The following SASH3 variants were observed in gnomAD, a reference collection of about 807,000 sequenced individuals.
SASH3 encodes SAM and SH3 domain containing 3.
Under a neutral mutation model 26.1 loss-of-function variants are expected in SASH3, and 7 were observed. That is an observed-to-expected ratio of 0.27 (90% confidence interval 0.15 to 0.50). SASH3 has a LOEUF of 0.50. SASH3 is among the 20% of genes least tolerant of loss of function. The probability of loss-of-function intolerance (pLI) is 0.98; values close to 1 mark genes in which losing one functional copy is unlikely to be tolerated. For missense variants in SASH3, 231 were observed against 318.3 expected (o/e 0.73, Z 2.09); for synonymous variants, 138 against 136.8 (o/e 1.01, Z -0.06).
In SASH3 at chrX:129,788,376, C is replaced by T. The variant is rs994308779; in HGVS notation, c.154-55C>T. The T allele has an allele frequency of 3.4e-6, 4 of 1,189,242 alleles. No homozygotes were observed. The African/African-American group carries it at 7.0e-5, about 21-fold the overall frequency. ...CCCCAAGGCCTCTTTTGCCTCAAGT[C>T]CCGGACCTAGGCAGGACCACCAGGG... On this transcript the variant is annotated intron_variant, in intron 2 of 7. Coordinates refer to ENST00000356892, the MANE Select transcript of SASH3 (RefSeq NM_018990.4).
intron 2 of SASH3, 63 bp downstream of exon 2, chrX:129,788,133 G>GGC: frequency 6.4e-6 from 2 of 312,630 alleles, no homozygotes; most frequent in East Asian, 7.8e-5. Context: ...GTGGGGGTGG[G>GGC]AGGGAAGAGG....
chrX:129,789,135 AAG>A (rs1168089004), intron 3 of SASH3, among the ~76,000 whole-genome samples: 1 of 65,563 alleles, frequency 1.5e-5, no homozygotes, highest in Non-Finnish European at 2.4e-5. Context: ...GAAAGAAAGA[AAG>A]AAAGAAAGAA....
chrX:129,792,739 A>G lies in SASH3; in HGVS notation c.704A>G (p.Glu235Gly). 2 of 1,210,522 alleles carry G rather than the reference A, an allele frequency of 1.7e-6. No homozygotes were observed. The highest frequency in any genetic ancestry group is 3.0e-5 in the East Asian group (1 of 33,833). ...KFIYVDVLPE[E>G]AVGHARPSRR... The stretch of plus-strand genomic sequence containing the variant: ...ATCTATGTGGATGTGCTGCCCGAGG[A>G]GGCCGTGGGGCATGCCCGCCCCAGC... The change falls in exon 6 of 8, where the codon GAG becomes GGG. Residue 235 changes from glutamate to glycine, a missense_variant. Glu to Gly is a moderately conservative substitution (Grantham distance 98). Coordinates refer to ENST00000356892, the MANE Select transcript of SASH3 (RefSeq NM_018990.4).
At chrX:129,788,133 G>GGGGGGCC in intron 2 of SASH3, 63 bp downstream of exon 2, 1 of 312,637 alleles carries the variant, frequency 3.2e-6, no homozygotes, top group Non-Finnish European at 6.2e-6. Context: ...GTGGGGGTGG[G>GGGGGGCC]AGGGAAGAGG....
Position 129,793,654 on chromosome X carries a change from A to G in SASH3, c.965A>G (p.Glu322Gly). 1 of 1,211,027 alleles carries G rather than the reference A, an allele frequency of 8.3e-7. No individual in the cohort carries two copies. Among genetic ancestry groups the G allele is most frequent in the Non-Finnish European group, 1.1e-6 (1 of 894,796 alleles). ...LLLDYDTGSE[E>G]AEEGAESSQE... ...TCGTCCCTGGCAGCTGGCAGTGAGG[A>G]GGCTGAAGAGGGCGCCGAGAGCAGC... The change falls in exon 8 of 8, where the codon GAG (glutamate) becomes GGG (glycine). Residue 322 changes from glutamate (E) to glycine (G), a missense_variant. By Grantham distance (98) the Glu-to-Gly change is moderately conservative. Transcript: ENST00000356892.
chrX:129,788,137 G>GGGGGGGGGGCCGGT, intron 2 of SASH3, 67 bp downstream of exon 2: 1 of 354,277 alleles, frequency 2.8e-6, no homozygotes, highest in Non-Finnish European at 5.4e-6. Flanking sequence ...GGGTGGGAGG[G>GGGGGGGGGGCCGGT]AAGAGGGTGA....
rs1323549296 is a variant in SASH3, at chrX:129,794,901, T to C, written c.*1069T>C. 9.0e-6 allele frequency: 1 copy of C among 111,610 alleles called. No homozygotes were observed. Among genetic ancestry groups the C allele is most frequent in the East Asian group, 2.8e-4 (1 of 3,554 alleles). 9.2% of individuals were successfully genotyped at this position (111,610 alleles called of 1,213,427 possible). A position where few individuals can be genotyped will look rare whatever the true frequency, so the allele number is the denominator to read the frequency against. On this transcript the variant is annotated 3_prime_UTR_variant, in exon 8 of 8. Transcript: ENST00000356892. ...TGGGGGTCCACCACTCCAACTTTGC[T>C]TTCTGAAGGTTTTGGTGTACATTGA...
rs183026384 is a variant in SASH3 at position 129,783,854 on chromosome X, G to C, written c.57+3700G>C. On this transcript the variant is annotated intron_variant, in intron 1 of 7. Coordinates refer to ENST00000356892, the MANE Select transcript of SASH3 (RefSeq NM_018990.4). ...AGGGAAGAGGATGCTGGCTGGGGCA[G>C]TGTGGACCTCTGAGAGATTGATCAG... Among the ~76,000 whole-genome samples the C allele has an allele frequency of 1.9e-4, 21 of 111,882 alleles. No homozygotes were observed. The East Asian group carries it at 5.0e-3, about 27-fold the overall frequency.
chrX:129,789,351 G>A (rs1204745340), intron 3 of SASH3, among the ~76,000 whole-genome samples: 1 of 109,775 alleles, frequency 9.1e-6, no homozygotes, highest in African/African-American at 3.3e-5. Context: ...AGAGAAAACA[G>A]ATTGGGCACA....
At chrX:129,788,659 T>A in intron 3 of SASH3, 82 bp downstream of exon 3, 1 of 989,591 alleles carries the variant, frequency 1.0e-6, no homozygotes, top group Non-Finnish European at 1.4e-6. Context: ...ACCACCTCAA[T>A]AGCCACTACT....
At position 129,793,110 on chromosome X, in the gene SASH3, C is replaced by T. The variant is rs773919719; in HGVS notation, c.923C>T (p.Thr308Met). ...MDPQHRAKLL[T>M]AAELLLDYDT... ...CCACAGCACCGGGCCAAGCTGCTCA[C>T]GGCCGCCGAGCTGCTGCTGGACTAT... The change falls in exon 7 of 8, where the codon ACG (threonine) becomes ATG (methionine). Residue 308 changes from threonine (T) to methionine (M), a missense_variant. By Grantham distance (81) the Thr-to-Met change is moderately conservative (BLOSUM62 -1). Transcript: ENST00000356892. The T allele has an allele frequency of 2.5e-6, 3 of 1,211,609 alleles. No individual in the cohort carries two copies. Among genetic ancestry groups the T allele is most frequent in the East Asian group, 3.0e-5 (1 of 33,844 alleles).
In SASH3 at chrX:129,793,959, T is replaced by C; in HGVS notation, c.*127T>C. On this transcript the variant is annotated 3_prime_UTR_variant, in exon 8 of 8. Coordinates refer to ENST00000356892, the MANE Select transcript of SASH3 (RefSeq NM_018990.4). The stretch of plus-strand genomic sequence containing the variant: ...CCTGGCCCTGCTTCCCCAGGGACAC[T>C]TAGGGCCACAGAGGCCAGGCCAGGG... 1 of 676,248 alleles carries C rather than the reference T, an allele frequency of 1.5e-6. No homozygotes were observed. The highest frequency in any genetic ancestry group is 2.2e-6 in the Non-Finnish European group (1 of 458,605). The allele number at this position is 676,248 out of a possible 1,213,427, so 55.7% of individuals were successfully genotyped here.
rs935758760 is a variant in SASH3, at chrX:129,792,991, G to A, written c.804G>A (p.Glu268=). The A allele has an allele frequency of 2.5e-6, 3 of 1,209,552 alleles. No individual in the cohort carries two copies. Among genetic ancestry groups the A allele is most frequent in the Non-Finnish European group, 3.4e-6 (3 of 895,081 alleles). ...CGATGGCCTGCCTCTGCCTACAGGA[G>A]CACACATCCACCCTCCTGCTCAATG... ...HELLERIGLE[E]HTSTLLLNGY... is the part of the protein sequence containing the mutation. Residue 268 remains glutamate, a splice_region_variant and synonymous_variant, in exon 7 of 8, where the codon GAG becomes GAA. Transcript: ENST00000356892.
At position 129,792,305 on chromosome X, in the gene SASH3, C is replaced by T. The variant is rs753576536; in HGVS notation, c.443-23C>T. ...GCTGTTCTAGGACAAAGGTGAGCCT[C>T]CTCCCTGCCCCATCTCCTGCAGGCA... On this transcript the variant is annotated intron_variant, in intron 4 of 7. Transcript: ENST00000356892. 6 of 1,189,511 alleles carry T rather than the reference C, an allele frequency of 5.0e-6. No homozygotes were observed. In the East Asian group the frequency reaches 1.2e-4, roughly 24 times the overall value.
chrX:129,782,176 AG>A (rs1927028711), intron 1 of SASH3, among the ~76,000 whole-genome samples: 1 of 112,246 alleles, frequency 8.9e-6, no homozygotes, highest in Admixed American at 9.4e-5. Flanking sequence ...TTTGGGCCTC[AG>A]TTTCCTCGCC....
chrX:129,788,615 G>T, intron 3 of SASH3, 38 bp downstream of exon 3: 6 of 1,182,794 alleles, frequency 5.1e-6, no homozygotes, highest in Non-Finnish European at 6.9e-6. Context: ...GTGTCCAGGG[G>T]GCCTGGGGAC....
intron 1 of SASH3, among the ~76,000 whole-genome samples, chrX:129,783,048 GGCTCCCTTCCTACA>G (rs1207597800): frequency 4.5e-5 from 5 of 111,370 alleles, no homozygotes; most frequent in Non-Finnish European, 9.4e-5. Context: ...CTTTCTCCAT[GGCTCCCTTCCTACA>G]GCACACCTCT....
intron 2 of SASH3, 67 bp downstream of exon 2, chrX:129,788,137 G>GTGGGC: frequency 5.6e-6 from 2 of 354,265 alleles, no homozygotes; most frequent in African/African-American, 2.7e-5. Flanking sequence ...GGGTGGGAGG[G>GTGGGC]AAGAGGGTGA....
At chrX:129,781,519 G>C (rs2124070528) in intron 1 of SASH3, among the ~76,000 whole-genome samples, 1 of 112,005 alleles carries the variant, frequency 8.9e-6, no homozygotes, top group African/African-American at 3.2e-5. Flanking sequence ...CTCTCTGGCT[G>C]GTGGGGGTGG....
Sources: gnomAD v4.1 joint callset for allele counts (sites outside exome capture counted in the v4.1 genomes callset) on GRCh38, gnomAD v4.1.1 for gene constraint, MANE v1.5 for transcripts, NCBI Gene and HGNC (gene_info 2026-07-23, HGNC 2026-07-21) for gene names.